Variants in RGS6 observed in about 807,000 individuals in gnomAD.
The protein encoded by RGS6 is regulator of G-protein signaling 6.
A neutral mutation model predicts 78.5 loss-of-function variants in RGS6; 30 were observed. The ratio of observed to expected loss-of-function variants is 0.38; its 90% CI spans 0.29 to 0.52. RGS6 has a LOEUF of 0.52. Among genes scored for constraint, RGS6 ranks in the 20% least tolerant of loss-of-function variants. The probability of loss-of-function intolerance (pLI) is 0.85; values close to 1 mark genes in which losing one functional copy is unlikely to be tolerated. For missense variants in RGS6, 495 were observed against 609.7 expected (o/e 0.81, Z 1.98); for synonymous variants, 206 against 206.0 (o/e 1.00, Z 0.00).
At chr14:72,559,008 G>A (rs2097630840) in intron 17 of RGS6, among the ~76,000 whole-genome samples, 1 of 152,156 alleles carries the variant, frequency 6.6e-6, no homozygotes, top group Non-Finnish European at 1.5e-5. Flanking sequence ...CCAACACTGA[G>A]GAACATTACA....
chr14:72,339,098 A>G (rs1208537707), intron 2 of RGS6, among the ~76,000 whole-genome samples: 2 of 152,250 alleles, frequency 1.3e-5, no homozygotes, highest in East Asian at 3.8e-4. Flanking sequence ...AAGAATAAAA[A>G]GTACCCATTT....
intron 6 of RGS6, 27 bp from the exon 7 acceptor site, chr14:72,465,731 A>G (rs561418913): frequency 3.0e-5 from 48 of 1,574,380 alleles, no homozygotes; most frequent in Middle Eastern, 1.7e-4. Context: ...GGTTTTGTAC[A>G]TGTTGTCATT....
chr14:72,568,574 A>G (rs2097716729), downstream of RGS6, among the ~76,000 whole-genome samples: 1 of 152,130 alleles, frequency 6.6e-6, no homozygotes, highest in Non-Finnish European at 1.5e-5. Flanking sequence ...CCTGTGTGTC[A>G]CTTGGGTGGC....
At chr14:72,249,639 A>C (rs1383781372) in intron 2 of RGS6, among the ~76,000 whole-genome samples, 1 of 152,214 alleles carries the variant, frequency 6.6e-6, no homozygotes, top group East Asian at 1.9e-4. Context: ...TACAATGTGA[A>C]TGCAATGAAG....
At chr14:71,955,896 TC>T (rs1426852885) in intron 1 of RGS6, among the ~76,000 whole-genome samples, 3 of 152,096 alleles carry the variant, frequency 2.0e-5, no homozygotes, top group African/African-American at 4.8e-5. Flanking sequence ...AGAAAAACTT[TC>T]CCCCATAAGA....
chr14:71,987,624 G>A (rs1356503177), intron 2 of RGS6, among the ~76,000 whole-genome samples: 1 of 152,046 alleles, frequency 6.6e-6, no homozygotes, highest in Non-Finnish European at 1.5e-5. Flanking sequence ...TCTGGGGCTT[G>A]ATCCTCCCGT....
the RGS6 span, among the ~76,000 whole-genome samples, chr14:72,586,953 C>A: frequency 6.6e-6 from 1 of 152,136 alleles, no homozygotes; most frequent in Non-Finnish European, 1.5e-5. Context: ...AAGATACTCT[C>A]ATGAACTCAT....
intron 3 of RGS6, among the ~76,000 whole-genome samples, chr14:72,352,672 A>G (rs2079350293): frequency 6.6e-6 from 1 of 152,184 alleles, no homozygotes; most frequent in Non-Finnish European, 1.5e-5. Context: ...TTCTTTTAAA[A>G]TATTTTATTG....
rs1434954426 is a variant in RGS6, at chr14:72,320,571, C to A, written c.85-31524C>A. On this transcript the variant is annotated intron_variant, in intron 2 of 17. Coordinates refer to ENST00000553525, the MANE Select transcript of RGS6 (RefSeq NM_001204424.2). ...CCAGCCTGGGCAATAGAGCAAGACT[C>A]TGTCTCAAAAAAATAAATAAAATTA... 4.6e-5 allele frequency among the ~76,000 whole-genome samples: 7 copies of A among 151,978 alleles called. No homozygotes were observed. The East Asian group carries it at 1.3e-3, about 29-fold the overall frequency.
At chr14:72,577,428 A>G in the RGS6 span, among the ~76,000 whole-genome samples, 37 of 152,262 alleles carry the variant, frequency 2.4e-4, no homozygotes, top group Non-Finnish European at 4.9e-4. Flanking sequence ...AGTGCCGACC[A>G]TTTACTCTTT....
Position 72,402,693 on chromosome 14 carries a change from C to T in RGS6, c.184+50499C>T, listed in dbSNP as rs547863088. 6.6e-5 allele frequency among the ~76,000 whole-genome samples: 10 copies of T among 151,696 alleles called. No individual in the cohort carries two copies. In the South Asian group the frequency reaches 1.5e-3, roughly 22 times the overall value. The stretch of plus-strand genomic sequence containing the variant: ...ACAGCCACTATGGAGAATAGTATGG[C>T]GGTTCCTCCAAAAAACTAAAATAGA... On this transcript the variant is annotated intron_variant, in intron 3 of 17. Transcript: ENST00000553525.
the RGS6 span, among the ~76,000 whole-genome samples, chr14:72,601,261 A>G: frequency 1.3e-5 from 2 of 152,040 alleles, no homozygotes; most frequent in Non-Finnish European, 2.9e-5. Flanking sequence ...GCCTCCCACC[A>G]TCATAGCCAG....
At chr14:72,135,033 G>T (rs913927111) in intron 2 of RGS6, among the ~76,000 whole-genome samples, 1 of 152,052 alleles carries the variant, frequency 6.6e-6, no homozygotes, top group Non-Finnish European at 1.5e-5. Context: ...TAGACATTTG[G>T]GTATCCCTTA....
intron 2 of RGS6, among the ~76,000 whole-genome samples, chr14:72,155,944 G>A (rs2096763936): frequency 6.6e-6 from 1 of 152,230 alleles, no homozygotes; most frequent in African/African-American, 2.4e-5. Context: ...GCCTGGAGCA[G>A]TTGCTCTCAG....
At position 72,406,254 on chromosome 14, in the gene RGS6, C is replaced by T. The variant is rs150813700; in HGVS notation, c.185-48274C>T. Among the ~76,000 whole-genome samples, 58 of 152,250 alleles carry T rather than the reference C, an allele frequency of 3.8e-4. 1 individual carries two copies. The East Asian group carries it at 0.011, about 28-fold the overall frequency. ...CAAAAATCAGCCGGGCGCAGTGGCA[C>T]ACGCCTGTAGTCCCAGCTACTTGGG... On this transcript the variant is annotated intron_variant, in intron 3 of 17. Coordinates refer to ENST00000553525, the MANE Select transcript of RGS6 (RefSeq NM_001204424.2).
At chr14:72,557,846 A>G (rs1247236534) in intron 17 of RGS6, among the ~76,000 whole-genome samples, 2 of 152,166 alleles carry the variant, frequency 1.3e-5, no homozygotes, top group African/African-American at 2.4e-5. Flanking sequence ...GAATTCCCCA[A>G]CAGAGGAATC....
chr14:72,476,231 A>G (rs563224734), intron 10 of RGS6, among the ~76,000 whole-genome samples: 29 of 152,388 alleles, frequency 1.9e-4, no homozygotes, highest in Non-Finnish European at 3.8e-4. Flanking sequence ...AAATGCTGCC[A>G]TCCCAGTTTT....
intron 2 of RGS6, among the ~76,000 whole-genome samples, chr14:72,211,058 A>C (rs536964204): frequency 5.3e-5 from 8 of 152,316 alleles, no homozygotes; most frequent in African/African-American, 1.9e-4. Context: ...TCCTGAGAAA[A>C]TACTAAGCAT....
intron 2 of RGS6, among the ~76,000 whole-genome samples, chr14:71,986,539 T>A (rs2094717362): frequency 3.5e-5 from 5 of 144,482 alleles, no homozygotes; most frequent in Admixed American, 3.5e-4. Flanking sequence ...CATCTCTATT[T>A]AAAAAAAAAA....
Sources: allele counts gnomAD v4.1 joint callset (sites outside exome capture counted in the v4.1 genomes callset), GRCh38; gene constraint gnomAD v4.1.1; transcripts MANE v1.5; gene names NCBI Gene and HGNC (gene_info 2026-07-23, HGNC 2026-07-21).